The following C11orf65 variants were observed in gnomAD, a reference collection of about 807,000 sequenced individuals.
The protein encoded by C11orf65 is chromosome 11 open reading frame 65.
C11orf65 carries 38 observed loss-of-function variants against 35.3 expected under a neutral mutation model. The ratio of observed to expected loss-of-function variants is 1.08; its 90% confidence interval spans 0.83 to 1.41. The LOEUF (loss-of-function observed/expected upper bound fraction) is 1.41. Among genes scored for constraint, C11orf65 ranks in the 40% most tolerant of loss-of-function variants. The pLI is 0.00. For missense variants in C11orf65, 370 were observed against 367.1 expected (o/e 1.01, Z -0.06); for synonymous variants, 105 against 114.4 (o/e 0.92, Z 0.53).
At chr11:108,348,642 A>T (rs986256166) in intron 2 of C11orf65, among the ~76,000 whole-genome samples, 1 of 152,040 alleles carries the variant, frequency 6.6e-6, no homozygotes, top group Non-Finnish European at 1.5e-5. Flanking sequence ...TCACTAGGTG[A>T]TAATTTTTAG....
intron 2 of C11orf65, among the ~76,000 whole-genome samples, chr11:108,455,215 T>C (rs1446325731): frequency 6.6e-6 from 1 of 152,136 alleles, no homozygotes; most frequent in Non-Finnish European, 1.5e-5. Flanking sequence ...TTACTACTTG[T>C]ATTCAACATG....
intron 1 of C11orf65, among the ~76,000 whole-genome samples, chr11:108,463,924 ATTTTTT>A (rs10677306): frequency 7.6e-6 from 1 of 132,440 alleles, no homozygotes; most frequent in African/African-American, 2.9e-5. Flanking sequence ...AGATTTGTTA[ATTTTTT>A]TTTTTTTTTT....
rs1443546936 is a variant in C11orf65 at position 108,341,699 on chromosome 11, A to G, written c.227-6407T>C. ...AATTAGAACAAAAAGGATCATTTTA[A>G]TATAAAGAACAAGGGATTTATATGA... On this transcript the variant is annotated intron_variant, in intron 2 of 3. Transcript: ENST00000524755. 3.3e-5 allele frequency among the ~76,000 whole-genome samples: 5 copies of G among 152,242 alleles called. No individual in the cohort carries two copies. In the East Asian group the frequency reaches 7.7e-4, roughly 23 times the overall value.
In C11orf65 at chr11:108,322,748, A is replaced by T. The variant is rs554173875; in HGVS notation, c.641-13677T>A. 2.8e-4 allele frequency among the ~76,000 whole-genome samples: 43 copies of T among 152,174 alleles called. No individual in the cohort carries two copies. In the East Asian group the frequency reaches 7.8e-3, roughly 27 times the overall value. The stretch of plus-strand genomic sequence containing the variant: ...TCAAGTTTAAAAAATTCAGCTTAAA[A>T]GTGCTTTTCTCTTTATAACTTTTTC... On this transcript the variant is annotated intron_variant, in intron 6 of 6. Coordinates refer to the C11orf65 transcript ENST00000525729.
At chr11:108,454,206 T>C (rs1007301756) in intron 2 of C11orf65, among the ~76,000 whole-genome samples, 6 of 152,152 alleles carry the variant, frequency 3.9e-5, no homozygotes, top group Non-Finnish European at 7.3e-5. Flanking sequence ...TATTGGCTTA[T>C]AATTGTTCAT....
At chr11:108,316,147 C>T (rs775891137) in intron 6 of C11orf65, 1 of 1,565,324 alleles carries the variant, frequency 6.4e-7, no homozygotes, top group Non-Finnish European at 8.8e-7. Flanking sequence ...AAAGCCATCA[C>T]TAGTGTAGTG....
In C11orf65 at chr11:108,430,949, G is replaced by A. The variant is rs535864987; in HGVS notation, c.174+797C>T. The stretch of plus-strand genomic sequence containing the variant: ...ACACACACACACACACACACACAGA[G>A]GAGAGTTGAATAAGCACTTTCCACA... On this transcript the variant is annotated intron_variant, in intron 3 of 8. Coordinates refer to ENST00000393084, the MANE Select transcript of C11orf65 (RefSeq NM_152587.5). Among the ~76,000 whole-genome samples the A allele has an allele frequency of 2.0e-3, 291 of 143,430 alleles. 1 individual carries two copies. Among genetic ancestry groups the A allele is most frequent in the Non-Finnish European group, 3.3e-3 (217 of 65,932 alleles). The allele number at this position is 143,430 out of a possible 152,430, so 94.1% of individuals were successfully genotyped here.
At chr11:108,409,019 T>C (rs953759050) in intron 3 of C11orf65, among the ~76,000 whole-genome samples, 1 of 152,146 alleles carries the variant, frequency 6.6e-6, no homozygotes, top group Non-Finnish European at 1.5e-5. Flanking sequence ...GCCATAATAA[T>C]ATATACACAT....
intron 2 of C11orf65, among the ~76,000 whole-genome samples, chr11:108,459,770 C>CACA (rs3221698): frequency 2.8e-5 from 4 of 140,500 alleles, no homozygotes; most frequent in Non-Finnish European, 6.2e-5. Flanking sequence ...CACACACACA[C>CACA]CTCTTTATTT....
rs200441272 is a variant in C11orf65, at chr11:108,331,444, A to G, written c.*106T>C. ...TTTTGTGTCTTTTTTTTAATGGTAG[A>G]GAGACGGAATGAAGATTCCAACATA... is the stretch of plus-strand genomic sequence containing the variant. On this transcript the variant is annotated 3_prime_UTR_variant, in exon 4 of 4. Coordinates refer to the C11orf65 transcript ENST00000524755. The G allele has an allele frequency of 3.0e-5, 49 of 1,612,730 alleles. No individual in the cohort carries two copies. In the African/African-American group the frequency reaches 5.6e-4, roughly 18 times the overall value.
intron 2 of C11orf65, among the ~76,000 whole-genome samples, chr11:108,442,892 AG>A (rs1440440436): frequency 2.0e-5 from 3 of 152,212 alleles, no homozygotes; most frequent in African/African-American, 7.2e-5. Context: ...CATCGATGCT[AG>A]GAAGAAACAA....
chr11:108,461,344 G>A (rs372653791), intron 2 of C11orf65, 135 bp downstream of exon 2: 6 of 663,426 alleles, frequency 9.0e-6, no homozygotes, highest in Non-Finnish European at 1.0e-5. Flanking sequence ...AGGCTGCAGT[G>A]ACCCAATATC....
At chr11:108,424,108 C>T (rs760635768) in intron 3 of C11orf65, among the ~76,000 whole-genome samples, 6 of 152,038 alleles carry the variant, frequency 3.9e-5, no homozygotes, top group South Asian at 2.1e-4. Context: ...CAAACTCCTC[C>T]GAGCTAAAGG....
intron 3 of C11orf65, chr11:108,332,951 G>A (rs1372185010): frequency 6.3e-7 from 1 of 1,578,578 alleles, no homozygotes; most frequent in Non-Finnish European, 8.6e-7. Context: ...GTTACTCTCT[G>A]TAGAGATATA....
intron 2 of C11orf65, among the ~76,000 whole-genome samples, chr11:108,456,927 G>A (rs2093417059): frequency 6.6e-6 from 1 of 152,158 alleles, no homozygotes; most frequent in Non-Finnish European, 1.5e-5. Flanking sequence ...AACACATATA[G>A]TATTTAACAA....
chr11:108,320,017 C>G lies in C11orf65; in HGVS notation c.641-10946G>C, dbSNP rs780299607. 8 of 1,611,160 alleles carry G rather than the reference C, an allele frequency of 5.0e-6. No individual in the cohort carries two copies. Among genetic ancestry groups the G allele is most frequent in the Non-Finnish European group, 6.8e-6 (8 of 1,177,622 alleles). On this transcript the variant is annotated intron_variant, in intron 6 of 6. Transcript: ENST00000525729. The stretch of plus-strand genomic sequence containing the variant: ...ACAATGCTCTACAATCTCTAAGAGA[C>G]AGAGAATTCTCTACATTTTATGAAA...
rs192289427 is a variant in C11orf65, at chr11:108,354,030, A to T, written c.227-18738T>A. 1,294 of 678,544 alleles carry T rather than the reference A, an allele frequency of 1.9e-3. 8 individuals carry two copies. Among genetic ancestry groups the T allele is most frequent in the Middle Eastern group, 3.5e-3 (12 of 3,474 alleles). The allele number at this position is 678,544 out of a possible 1,614,324, so 42.0% of individuals were successfully genotyped here. ...CAGGAGTTTGAGTCCAGCCTAGGCAATACAGCAAGACCCTGTATCTAAAAA... is the reference window on the plus strand; with the variant it reads ...CAGGAGTTTGAGTCCAGCCTAGGCATTACAGCAAGACCCTGTATCTAAAAA... On this transcript the variant is annotated intron_variant, in intron 2 of 3. Coordinates refer to the C11orf65 transcript ENST00000524755.
chr11:108,398,357 G>C (rs2138517459), intron 6 of C11orf65, among the ~76,000 whole-genome samples: 1 of 152,284 alleles, frequency 6.6e-6, no homozygotes, highest in East Asian at 1.9e-4. Context: ...ATAAATCTAG[G>C]ATAAGCCCTC....
chr11:108,442,279 A>C (rs972201647), intron 2 of C11orf65, among the ~76,000 whole-genome samples: 1 of 152,188 alleles, frequency 6.6e-6, no homozygotes, highest in African/African-American at 2.4e-5. Context: ...TTAGAGAAAA[A>C]AGAGGAAAAA....
Sources: gnomAD v4.1 joint callset for allele counts (sites outside exome capture counted in the v4.1 genomes callset) on GRCh38, gnomAD v4.1.1 for gene constraint, MANE v1.5 for transcripts, NCBI Gene and HGNC (gene_info 2026-07-23, HGNC 2026-07-21) for gene names.